BCAR3: variants seen among roughly 807,000 people sequenced by gnomAD.
BCAR3 encodes BCAR3 adaptor protein, NSP family member.
In BCAR3, 37 loss-of-function variants were observed where a neutral mutation model predicts 80.1. That is an observed-to-expected ratio of 0.46 (90% CI 0.36 to 0.61). The LOEUF is 0.61. BCAR3 is among the 20% of genes least tolerant of loss of function. The pLI is 0.00. For missense variants in BCAR3, 978 were observed against 1,068.2 expected (o/e 0.92, Z 1.18); for synonymous variants, 389 against 418.9 (o/e 0.93, Z 0.87).
intron 2 of BCAR3, among the ~76,000 whole-genome samples, chr1:93,780,757 T>C (rs1443907562): frequency 6.6e-6 from 1 of 152,208 alleles, no homozygotes; most frequent in African/African-American, 2.4e-5. Context: ...AAAGTGAACA[T>C]AACATACATT....
intron 2 of BCAR3, among the ~76,000 whole-genome samples, chr1:93,739,601 C>T (rs895656903): frequency 6.6e-6 from 1 of 152,206 alleles, no homozygotes; most frequent in African/African-American, 2.4e-5. Context: ...TAATGCTCTG[C>T]GATTGTCATC....
At chr1:93,621,860 T>C (rs1446274145) in intron 3 of BCAR3, among the ~76,000 whole-genome samples, 1 of 151,850 alleles carries the variant, frequency 6.6e-6, no homozygotes, top group Non-Finnish European at 1.5e-5. Context: ...GAAGCCACAT[T>C]GGTTTTGTTT....
upstream of BCAR3, among the ~76,000 whole-genome samples, chr1:93,682,282 A>G (rs1648819886): frequency 6.6e-6 from 1 of 152,200 alleles, no homozygotes; most frequent in Admixed American, 6.5e-5. Flanking sequence ...TGGCGGTGGC[A>G]CTTCAGCACT....
rs567221240 is a variant in BCAR3 at position 93,746,888 on chromosome 1, C to T, written c.-62-40746G>A. 3.3e-5 allele frequency among the ~76,000 whole-genome samples: 5 copies of T among 152,246 alleles called. No homozygotes were observed. In the South Asian group the frequency reaches 1.0e-3, roughly 32 times the overall value. On this transcript the variant is annotated intron_variant, in intron 2 of 13. Transcript: ENST00000370244. Reference sequence around the variant, plus strand: ...ATGGCTGCTCAGTCCTGCTCAAAGCCCTCTCTTCCCAAGGCTTCTGCAACA... The same window carrying T: ...ATGGCTGCTCAGTCCTGCTCAAAGCTCTCTCTTCCCAAGGCTTCTGCAACA...
intron 2 of BCAR3, among the ~76,000 whole-genome samples, chr1:93,666,874 T>G (rs537339268): frequency 1.3e-3 from 198 of 152,212 alleles, no homozygotes; most frequent in Admixed American, 2.9e-3. Context: ...GTGAGAAACT[T>G]TCTCCCACAG....
chr1:93,714,686 A>G (rs1367934748), intron 2 of BCAR3, among the ~76,000 whole-genome samples: 1 of 151,024 alleles, frequency 6.6e-6, no homozygotes, highest in African/African-American at 2.4e-5. Flanking sequence ...CATACTAATC[A>G]CAACTAAGAC....
chr1:93,643,565 A>G (rs1239801444), intron 2 of BCAR3, among the ~76,000 whole-genome samples: 4 of 147,814 alleles, frequency 2.7e-5, no homozygotes, highest in Non-Finnish European at 6.0e-5. Context: ...AAAAAAAAAA[A>G]AAAAAAAAAG....
At chr1:93,696,648 C>T (rs1649418638) in intron 3 of BCAR3, among the ~76,000 whole-genome samples, 1 of 152,218 alleles carries the variant, frequency 6.6e-6, no homozygotes, top group Non-Finnish European at 1.5e-5. Context: ...CATCCCTCTA[C>T]CACTTAAAGC....
At chr1:93,653,914 G>C (rs940162983) in intron 2 of BCAR3, among the ~76,000 whole-genome samples, 7 of 152,200 alleles carry the variant, frequency 4.6e-5, no homozygotes, top group African/African-American at 1.7e-4. Context: ...TGCCACCTGA[G>C]CGCAGGCCAC....
rs1479106414 is a variant in BCAR3 at position 93,578,616 on chromosome 1, C to T, written c.1687-2487G>A. On this transcript the variant is annotated intron_variant, in intron 7 of 11. Coordinates refer to ENST00000260502, the MANE Select transcript of BCAR3 (RefSeq NM_003567.4). ...GGACATCTCTGCCCCATCTCCACAC[C>T]CAACTCCCTGTTCAAGGCCCTGCCC... Among the ~76,000 whole-genome samples, 120 of 152,162 alleles carry T rather than the reference C, an allele frequency of 7.9e-4. 2 individuals are homozygous for T. Among genetic ancestry groups the T allele is most frequent in the Admixed American group, 7.9e-3 (120 of 15,270 alleles).
At position 93,575,976 on chromosome 1, in the gene BCAR3, C is replaced by G. The variant is rs765745425; in HGVS notation, c.1802+38G>C. 3 of 1,569,486 alleles carry G rather than the reference C, an allele frequency of 1.9e-6. No homozygotes were observed. The Admixed American group carries it at 5.0e-5, about 26-fold the overall frequency. ...CTGCTGCTCTGATGCCTGGAAGGAGCTGGGAGGGTCGGAAGTGCAGAGGAC... is the reference window on the plus strand; with the variant it reads ...CTGCTGCTCTGATGCCTGGAAGGAGGTGGGAGGGTCGGAAGTGCAGAGGAC... On this transcript the variant is annotated intron_variant, in intron 8 of 11. Coordinates refer to ENST00000260502, the MANE Select transcript of BCAR3 (RefSeq NM_003567.4).
intron 2 of BCAR3, chr1:93,845,502 A>ATATATATCTAT: frequency 8.8e-6 from 1 of 113,820 alleles, no homozygotes; most frequent in Non-Finnish European, 1.8e-5. Flanking sequence ...ATATATATAT[A>ATATATATCTAT]AAACTTTGTT....
intron 2 of BCAR3, among the ~76,000 whole-genome samples, chr1:93,652,768 C>T (rs1676364778): frequency 6.6e-6 from 1 of 152,188 alleles, no homozygotes; most frequent in African/African-American, 2.4e-5. Flanking sequence ...AGGCACGCTG[C>T]CCCACTGTGA....
At chr1:93,836,372 A>G (rs1654768166) in intron 2 of BCAR3, among the ~76,000 whole-genome samples, 1 of 152,090 alleles carries the variant, frequency 6.6e-6, no homozygotes, top group African/African-American at 2.4e-5. Flanking sequence ...GTCCTTTAAT[A>G]CCTGTTTTTA....
intron 5 of BCAR3, 42 bp downstream of exon 5, chr1:93,588,935 C>G (rs767333585): frequency 6.6e-7 from 1 of 1,504,884 alleles, no homozygotes; most frequent in Middle Eastern, 2.3e-4. Flanking sequence ...CCTTGGGCAC[C>G]CCGGCGCCCC....
chr1:93,692,302 C>T (rs186950861), intron 3 of BCAR3, among the ~76,000 whole-genome samples: 1 of 152,298 alleles, frequency 6.6e-6, no homozygotes, highest in Non-Finnish European at 1.5e-5. Flanking sequence ...CTGCTTTTGC[C>T]TCCTCTTGTG....
intron 2 of BCAR3, among the ~76,000 whole-genome samples, chr1:93,649,160 A>G (rs1676242339): frequency 6.6e-6 from 1 of 151,928 alleles, no homozygotes; most frequent in Admixed American, 6.6e-5. Flanking sequence ...TTGCTCAGCA[A>G]CTCCTAGTTT....
intron 3 of BCAR3, among the ~76,000 whole-genome samples, chr1:93,632,924 CAGG>C (rs1278593558): frequency 1.3e-5 from 2 of 151,936 alleles, no homozygotes; most frequent in Non-Finnish European, 2.9e-5. Flanking sequence ...GAGGCTGAGG[CAGG>C]AGAATTGCTT....
intron 3 of BCAR3, among the ~76,000 whole-genome samples, chr1:93,702,355 G>T (rs1000694474): frequency 6.6e-6 from 1 of 152,176 alleles, no homozygotes; most frequent in Non-Finnish European, 1.5e-5. Flanking sequence ...GGCCACAGAG[G>T]AGTCTTAAAA....
Sources: gnomAD v4.1 joint callset for allele counts (sites outside exome capture counted in the v4.1 genomes callset) on GRCh38, gnomAD v4.1.1 for gene constraint, MANE v1.5 for transcripts, NCBI Gene and HGNC (gene_info 2026-07-23, HGNC 2026-07-21) for gene names.